Variants in TTC28 observed in about 807,000 individuals in gnomAD.
TTC28 encodes tetratricopeptide repeat protein 28.
Under a neutral mutation model 198.0 loss-of-function variants are expected in TTC28, and 61 were observed. The ratio of observed to expected loss-of-function variants is 0.31; its 90% CI spans 0.25 to 0.38. The LOEUF (loss-of-function observed/expected upper bound fraction) is 0.38. Ranked by LOEUF, TTC28 falls within the 10% of genes least tolerant of loss-of-function variation. The pLI, the probability that TTC28 is intolerant of heterozygous loss-of-function variation, is 1.00. For missense variants in TTC28, 2,678 were observed against 3,164.0 expected, an observed-to-expected ratio of 0.85 and a Z score of 3.69; for synonymous variants, 1,171 against 1,297.8, an observed-to-expected ratio of 0.90 and a Z score of 2.10.
chr22:28,603,927 T>C (rs2146127244), intron 2 of TTC28, among the ~76,000 whole-genome samples: 1 of 152,280 alleles, frequency 6.6e-6, no homozygotes, highest in South Asian at 2.1e-4. Flanking sequence ...CAAAAGAGAC[T>C]AATTTTATTT....
intron 6 of TTC28, among the ~76,000 whole-genome samples, chr22:28,162,856 G>A (rs757130188): frequency 1.6e-4 from 24 of 152,184 alleles, no homozygotes; most frequent in Non-Finnish European, 2.8e-4. Context: ...AGGCTGAGGT[G>A]GGAAGATCAC....
chr22:28,185,260 C>T (rs575468413), intron 5 of TTC28, among the ~76,000 whole-genome samples: 7 of 152,286 alleles, frequency 4.6e-5, no homozygotes, highest in Non-Finnish European at 7.4e-5. Flanking sequence ...ACACAGAACT[C>T]ACGGTCCCTC....
At chr22:28,008,779 G>A (rs994606940) in intron 14 of TTC28, among the ~76,000 whole-genome samples, 5 of 152,160 alleles carry the variant, frequency 3.3e-5, no homozygotes, top group African/African-American at 1.2e-4. Flanking sequence ...CTGAGTGGAC[G>A]AGTGGCTTTG....
intron 5 of TTC28, among the ~76,000 whole-genome samples, chr22:28,222,718 T>C (rs996990875): frequency 1.3e-5 from 2 of 152,206 alleles, no homozygotes; most frequent in Non-Finnish European, 2.9e-5. Flanking sequence ...TCAATTCTCT[T>C]CTATGGTGAA....
rs566446359 is a variant in TTC28, at chr22:28,051,877, G to T, written c.3933-21511C>A. On this transcript the variant is annotated intron_variant, in intron 12 of 22. Coordinates refer to ENST00000397906, the MANE Select transcript of TTC28 (RefSeq NM_001145418.2). ...AATTTATATGGGGCCTAAGGGTGAGGTGTATGGCTTTTGGCTTGGTGGGCA... is the reference window on the plus strand; with the variant it reads ...AATTTATATGGGGCCTAAGGGTGAGTTGTATGGCTTTTGGCTTGGTGGGCA... Among the ~76,000 whole-genome samples, 142 of 152,294 alleles carry T rather than the reference G, an allele frequency of 9.3e-4. 1 individual carries two copies. The highest frequency in any genetic ancestry group is 3.2e-3 in the African/African-American group (135 of 41,550).
intron 2 of TTC28, among the ~76,000 whole-genome samples, chr22:28,368,375 G>C (rs965007730): frequency 6.6e-6 from 1 of 151,972 alleles, no homozygotes; most frequent in Non-Finnish European, 1.5e-5. Context: ...TCAAAAAACT[G>C]AGTATAGAAG....
At chr22:28,026,028 C>A (rs1160365372) in intron 13 of TTC28, among the ~76,000 whole-genome samples, 1 of 152,246 alleles carries the variant, frequency 6.6e-6, no homozygotes, top group Non-Finnish European at 1.5e-5. Flanking sequence ...TTCTTCCCCG[C>A]ACCTTTAGGA....
At chr22:28,402,167 C>T (rs1483200543) in intron 2 of TTC28, among the ~76,000 whole-genome samples, 2 of 152,216 alleles carry the variant, frequency 1.3e-5, no homozygotes. Context: ...TACAATACCA[C>T]CATTTTATGT....
At chr22:28,055,354 A>G (rs749286295) in intron 12 of TTC28, among the ~76,000 whole-genome samples, 89 of 152,200 alleles carry the variant, frequency 5.8e-4, no homozygotes, top group Non-Finnish European at 1.2e-3. Context: ...ACACAAATCA[A>G]TACTTCTAAA....
chr22:28,123,248 T>TTTTTG (rs2146944408), intron 6 of TTC28, among the ~76,000 whole-genome samples: 1 of 151,812 alleles, frequency 6.6e-6, no homozygotes, highest in East Asian at 1.9e-4. Context: ...AGGTTTTTTT[T>TTTTTG]TTTGTTTGTT....
chr22:28,540,023 C>T (rs1456012446), intron 2 of TTC28, among the ~76,000 whole-genome samples: 1 of 147,632 alleles, frequency 6.8e-6, no homozygotes, highest in African/African-American at 2.5e-5. Flanking sequence ...CGGCTCACTG[C>T]AAGTTCCGCC....
chr22:28,026,329 C>G (rs531579437), intron 13 of TTC28, among the ~76,000 whole-genome samples: 7 of 152,302 alleles, frequency 4.6e-5, no homozygotes, highest in East Asian at 3.9e-4. Context: ...GCCCAGCAGA[C>G]AGCCTCCTGG....
intron 2 of TTC28, among the ~76,000 whole-genome samples, chr22:28,352,006 G>A (rs2145933879): frequency 6.6e-6 from 1 of 152,146 alleles, no homozygotes; most frequent in East Asian, 1.9e-4. Context: ...TTCGTTTCTA[G>A]ATATTCTCCC....
chr22:28,618,109 C>G (rs2050931214), intron 2 of TTC28, among the ~76,000 whole-genome samples: 1 of 151,804 alleles, frequency 6.6e-6, no homozygotes, highest in South Asian at 2.1e-4. Context: ...TCCATTTCTA[C>G]TAAAAATACA....
At chr22:28,427,783 A>C (rs2047372115) in intron 2 of TTC28, among the ~76,000 whole-genome samples, 1 of 152,190 alleles carries the variant, frequency 6.6e-6, no homozygotes, top group South Asian at 2.1e-4. Context: ...AAAAAAAAGA[A>C]GTCGAATTCA....
intron 2 of TTC28, among the ~76,000 whole-genome samples, chr22:28,474,621 A>G (rs993915919): frequency 2.0e-5 from 3 of 152,204 alleles, no homozygotes; most frequent in African/African-American, 7.2e-5. Flanking sequence ...TCAGGCAGAA[A>G]AGTAGAAGAG....
intron 2 of TTC28, among the ~76,000 whole-genome samples, chr22:28,533,350 AG>A: frequency 6.6e-6 from 1 of 152,342 alleles, no homozygotes; most frequent in South Asian, 2.1e-4. Context: ...CCAGCTTACA[AG>A]GGATGTGAAG....
chr22:28,608,045 T>C (rs190796097), intron 2 of TTC28, among the ~76,000 whole-genome samples: 1 of 152,326 alleles, frequency 6.6e-6, no homozygotes, highest in Admixed American at 6.5e-5. Context: ...ACAGAACTTG[T>C]CAAAATCAAC....
At chr22:28,276,824 T>A (rs985262783) in intron 5 of TTC28, among the ~76,000 whole-genome samples, 2 of 152,214 alleles carry the variant, frequency 1.3e-5, no homozygotes, top group African/African-American at 4.8e-5. Flanking sequence ...ATTCTGCTTA[T>A]AAATTCTGAT....
Sources: allele counts gnomAD v4.1 joint callset (sites outside exome capture counted in the v4.1 genomes callset), GRCh38; gene constraint gnomAD v4.1.1; transcripts MANE v1.5; gene names NCBI Gene and HGNC (gene_info 2026-07-23, HGNC 2026-07-21).